SP100: variants seen among roughly 807,000 people sequenced by gnomAD.
SP100 encodes nuclear autoantigen Sp-100.
In SP100, 84 loss-of-function variants were observed where a neutral mutation model predicts 130.0. The ratio of observed to expected loss-of-function variants is 0.65; its 90% confidence interval spans 0.54 to 0.77. The LOEUF is 0.77. Ranked by LOEUF, SP100 falls within the 30% of genes least tolerant of loss-of-function variation. SP100 has a pLI of 0.00. For missense variants in SP100, 978 were observed against 1,052.2 expected (o/e 0.93, Z 0.97); for synonymous variants, 331 against 351.7 (o/e 0.94, Z 0.66).
intron 2 of SP100, among the ~76,000 whole-genome samples, chr2:230,441,364 C>T (rs879861653): frequency 6.6e-6 from 1 of 152,158 alleles, no homozygotes; most frequent in Non-Finnish European, 1.5e-5. Flanking sequence ...TGTACTCTTA[C>T]ACAATGACCA....
chr2:230,440,920 A>G (rs560910767), intron 2 of SP100, among the ~76,000 whole-genome samples: 3 of 152,282 alleles, frequency 2.0e-5, no homozygotes, highest in Admixed American at 6.5e-5. Flanking sequence ...GTAGGCAAAT[A>G]TTTCTTAGAT....
intron 24 of SP100, among the ~76,000 whole-genome samples, chr2:230,511,762 T>C (rs962305246): frequency 2.6e-5 from 4 of 152,214 alleles, no homozygotes; most frequent in African/African-American, 9.6e-5. Context: ...CCATCACCAC[T>C]TGGCAACTGA....
intron 24 of SP100, among the ~76,000 whole-genome samples, chr2:230,524,067 C>T (rs1276711565): frequency 6.6e-6 from 1 of 150,784 alleles, no homozygotes; most frequent in Non-Finnish European, 1.5e-5. Flanking sequence ...GGTGTGGTTG[C>T]TCACGCCTGT....
intron 24 of SP100, chr2:230,516,634 A>G (rs1315128076): frequency 1.3e-5 from 2 of 152,170 alleles, no homozygotes; most frequent in Non-Finnish European, 2.9e-5. Context: ...TAACTATATG[A>G]TCTCCAAAGT....
At chr2:230,530,886 G>T (rs141620321) in intron 24 of SP100, among the ~76,000 whole-genome samples, 1,962 of 152,212 alleles carry the variant, frequency 0.013, 36 homozygotes, top group African/African-American at 0.044. Flanking sequence ...CTCACGCCAG[G>T]TAGAATGGCG....
At chr2:230,434,392 T>G (rs1043786223) in intron 2 of SP100, among the ~76,000 whole-genome samples, 1 of 152,216 alleles carries the variant, frequency 6.6e-6, no homozygotes, top group Non-Finnish European at 1.5e-5. Context: ...ACAAAAATTT[T>G]GCATTTATGA....
chr2:230,504,504 T>C (rs1286638808), intron 21 of SP100, among the ~76,000 whole-genome samples: 1 of 152,134 alleles, frequency 6.6e-6, no homozygotes, highest in African/African-American at 2.4e-5. Flanking sequence ...AAAATGCACA[T>C]GGGGTGAAAT....
chr2:230,535,906 CAAAAAAAAAAAAAA>C (rs34684038), intron 24 of SP100, among the ~76,000 whole-genome samples: 13 of 47,600 alleles, frequency 2.7e-4, no homozygotes, highest in East Asian at 1.7e-3. Context: ...GACTCCATCT[CAAAAAAAAAAAAAA>C]AAAAAAAAAA....
intron 24 of SP100, among the ~76,000 whole-genome samples, chr2:230,522,476 CTTTTTTTTTTTT>C (rs750389091): frequency 2.4e-5 from 2 of 82,138 alleles, no homozygotes; most frequent in Non-Finnish European, 4.3e-5. Context: ...CCCCAGTGTT[CTTTTTTTTTTTT>C]TTTTTTTTTT....
At chr2:230,438,883 A>C (rs2149893361) in intron 2 of SP100, among the ~76,000 whole-genome samples, 1 of 152,282 alleles carries the variant, frequency 6.6e-6, no homozygotes, top group African/African-American at 2.4e-5. Flanking sequence ...GAGACCCAGT[A>C]GTGGGATTGC....
At chr2:230,504,138 C>A (rs777172457) in intron 20 of SP100, 48 bp from the exon 21 acceptor site, 2 of 1,009,326 alleles carry the variant, frequency 2.0e-6, no homozygotes, top group Non-Finnish European at 3.1e-6. Context: ...AGGGACAATG[C>A]ACAGTTGTAA....
At chr2:230,450,027 G>C (rs1233786111) in intron 7 of SP100, 145 bp from the exon 8 acceptor site, 2 of 637,932 alleles carry the variant, frequency 3.1e-6, no homozygotes, top group African/African-American at 1.8e-5. Context: ...AATGAAGCAC[G>C]AACACCTTCA....
chr2:230,450,934 G>A (rs941945741), intron 8 of SP100, among the ~76,000 whole-genome samples: 5 of 152,202 alleles, frequency 3.3e-5, no homozygotes, highest in Admixed American at 6.5e-5. Flanking sequence ...GAATACTGCT[G>A]CAATGAACAT....
At chr2:230,527,393 C>G (rs1019763298) in intron 24 of SP100, among the ~76,000 whole-genome samples, 6 of 152,166 alleles carry the variant, frequency 3.9e-5, no homozygotes, top group African/African-American at 1.4e-4. Flanking sequence ...TTTGTCACCA[C>G]CAGGCTAGCC....
In SP100 at chr2:230,416,276, C is replaced by G. The variant is rs754770848; in HGVS notation, c.-21C>G. The G allele has an allele frequency of 1.2e-6, 2 of 1,610,740 alleles. No individual in the cohort carries two copies. On this transcript the variant is annotated 5_prime_UTR_variant, in exon 1 of 29. Transcript: ENST00000340126. ...CTCAGAGGCCAGGCTCTGAGGCCCA[C>G]GCAGGGCCTAGGGTGGGAAGATGGC...
In SP100 at chr2:230,545,363, G is replaced by A. The variant is rs77626625; in HGVS notation, c.*2417G>A. Among the ~76,000 whole-genome samples the A allele has an allele frequency of 1.8e-3, 274 of 152,286 alleles. 1 individual carries two copies. Among genetic ancestry groups the A allele is most frequent in the African/African-American group, 6.3e-3 (263 of 41,558 alleles). On this transcript the variant is annotated 3_prime_UTR_variant, in exon 29 of 29. Coordinates refer to ENST00000340126, the MANE Select transcript of SP100 (RefSeq NM_001080391.2). The stretch of plus-strand genomic sequence containing the variant: ...AAATACCACAGGTTCTCAGTTGTGA[G>A]TGGGAGCTAAATGATGAGAACTCAT...
At position 230,418,575 on chromosome 2, in the gene SP100, A is replaced by G. The variant is rs989707570; in HGVS notation, c.107+910A>G. Reference sequence around the variant, plus strand: ...CCAAACTTCCCGTTTGCTTAGTCATAATCTGGATGAACTTTTTTTCTTTTT... The same window carrying G: ...CCAAACTTCCCGTTTGCTTAGTCATGATCTGGATGAACTTTTTTTCTTTTT... On this transcript the variant is annotated intron_variant, in intron 2 of 28. Coordinates refer to ENST00000340126, the MANE Select transcript of SP100 (RefSeq NM_001080391.2). 3.3e-5 allele frequency among the ~76,000 whole-genome samples: 5 copies of G among 150,602 alleles called. No individual in the cohort carries two copies. In the South Asian group the frequency reaches 8.4e-4, roughly 25 times the overall value.
intron 2 of SP100, among the ~76,000 whole-genome samples, chr2:230,436,898 A>T (rs953443115): frequency 3.8e-5 from 3 of 79,536 alleles, no homozygotes; most frequent in African/African-American, 1.5e-4. Context: ...ATATGTGTAT[A>T]CACACACGCA....
At chr2:230,486,486 C>A (rs1338873379) in intron 17 of SP100, among the ~76,000 whole-genome samples, 7 of 152,186 alleles carry the variant, frequency 4.6e-5, no homozygotes, top group Non-Finnish European at 1.5e-5. Context: ...TCATCCATGT[C>A]CCTGCAAAGC....
Sources: gnomAD v4.1 joint callset for allele counts (sites outside exome capture counted in the v4.1 genomes callset) on GRCh38, gnomAD v4.1.1 for gene constraint, MANE v1.5 for transcripts, NCBI Gene and HGNC (gene_info 2026-07-23, HGNC 2026-07-21) for gene names.